The following TAF13 variants were observed in gnomAD, a reference collection of about 807,000 sequenced individuals.
TAF13 encodes the protein TATA-box binding protein associated factor 13.
Under a neutral mutation model 18.7 loss-of-function variants are expected in TAF13, and 9 were observed. That is an observed-to-expected ratio of 0.48 (90% CI 0.29 to 0.84). TAF13 has a LOEUF of 0.84. Among genes scored for constraint, TAF13 ranks in the 40% least tolerant of loss-of-function variants. The probability of loss-of-function intolerance (pLI) is 0.08; values close to 1 mark genes in which losing one functional copy is unlikely to be tolerated. For missense variants in TAF13, 105 were observed against 146.5 expected (o/e 0.72, Z 1.46); for synonymous variants, 49 against 44.1 (o/e 1.11, Z -0.44).
intron 2 of TAF13, among the ~76,000 whole-genome samples, chr1:109,072,866 T>C (rs1241758201): frequency 6.6e-6 from 1 of 151,188 alleles, no homozygotes; most frequent in African/African-American, 2.4e-5. Context: ...CTGAAACTTC[T>C]GCCACCTGGG....
intron 3 of TAF13, 77 bp from the exon 4 acceptor site, chr1:109,064,770 C>A (rs1663923198): frequency 4.2e-6 from 5 of 1,199,306 alleles, no homozygotes; most frequent in Non-Finnish European, 5.5e-6. Flanking sequence ...TTATTAATTG[C>A]AAGTGAGGTA....
At chr1:109,070,437 TG>T (rs1664029040) in intron 2 of TAF13, among the ~76,000 whole-genome samples, 1 of 152,230 alleles carries the variant, frequency 6.6e-6, no homozygotes, top group Non-Finnish European at 1.5e-5. Context: ...CAGGCTGGTC[TG>T]GATCTGCTGA....
In TAF13 at chr1:109,073,153, A is replaced by G. The variant is rs184435797; in HGVS notation, c.106+1834T>C. ...ATTACCTGTGGCTTACAGTCAAAGA[A>G]GCCTCTCTACTGCTGTAAAGGCAAG... On this transcript the variant is annotated intron_variant, in intron 2 of 3. Coordinates refer to ENST00000338366, the MANE Select transcript of TAF13 (RefSeq NM_005645.4). Among the ~76,000 whole-genome samples, 261 of 152,284 alleles carry G rather than the reference A, an allele frequency of 1.7e-3. 1 individual carries two copies. The highest frequency in any genetic ancestry group is 3.8e-3 in the Admixed American group (58 of 15,282).
intron 2 of TAF13, among the ~76,000 whole-genome samples, chr1:109,074,158 AAG>A (rs1197700694): frequency 6.6e-6 from 1 of 152,362 alleles, no homozygotes; most frequent in African/African-American, 2.4e-5. Context: ...GGGGAAAAGA[AAG>A]AGAGATCAGA....
At chr1:109,071,997 T>TACAC (rs1557985974) in intron 2 of TAF13, among the ~76,000 whole-genome samples, 1 of 2,422 alleles carries the variant, frequency 4.1e-4, no homozygotes, top group African/African-American at 9.7e-4. Context: ...TATATATATA[T>TACAC]ATATATATAT....
Position 109,064,325 on chromosome 1 carries a change from C to A in TAF13, c.*198G>T. The A allele has an allele frequency of 2.5e-6, 1 of 400,228 alleles. No homozygotes were observed. Among genetic ancestry groups the A allele is most frequent in the Non-Finnish European group, 4.3e-6 (1 of 232,814 alleles). The allele number at this position is 400,228 out of a possible 1,614,324, so 24.8% of individuals were successfully genotyped here. On this transcript the variant is annotated 3_prime_UTR_variant, in exon 4 of 4. Coordinates refer to ENST00000338366, the MANE Select transcript of TAF13 (RefSeq NM_005645.4). The stretch of plus-strand genomic sequence containing the variant: ...GGTCATTAAAACCCAGTAAGTAATT[C>A]AAGTATGGTAATATAAAGGCAGGCA...
rs557668551 is a variant in TAF13, at chr1:109,070,242, C to T, written c.107-4010G>A. Among the ~76,000 whole-genome samples, 3 of 152,146 alleles carry T rather than the reference C, an allele frequency of 2.0e-5. No homozygotes were observed. In the East Asian group the frequency reaches 5.8e-4, roughly 29 times the overall value. ...CTTTTTTTATTTTTATTTTTTGAGA[C>T]GGAGTCTCTCTCTGTCACCAGGCTG... On this transcript the variant is annotated intron_variant, in intron 2 of 3. Transcript: ENST00000338366.
intron 2 of TAF13, among the ~76,000 whole-genome samples, chr1:109,072,575 G>C (rs1377918244): frequency 1.3e-5 from 2 of 151,700 alleles, no homozygotes; most frequent in East Asian, 3.9e-4. Context: ...CTCCAGAGTA[G>C]CTGGAACTAC....
chr1:109,073,149 A>G (rs538094640), intron 2 of TAF13, among the ~76,000 whole-genome samples: 3 of 152,272 alleles, frequency 2.0e-5, no homozygotes, highest in African/African-American at 7.2e-5. Flanking sequence ...CTTACAGTCA[A>G]AGAAGCCTCT....
intron 2 of TAF13, among the ~76,000 whole-genome samples, chr1:109,073,306 G>A (rs1051854046): frequency 2.6e-5 from 4 of 151,896 alleles, no homozygotes; most frequent in Non-Finnish European, 4.4e-5. Flanking sequence ...TTGGGAGGCC[G>A]AGGCAGGCGG....
At chr1:109,065,506 C>T (rs369287845) in intron 3 of TAF13, among the ~76,000 whole-genome samples, 29 of 147,776 alleles carry the variant, frequency 2.0e-4, no homozygotes, top group African/African-American at 7.0e-4. Flanking sequence ...GACACACACA[C>T]ACAAAAAATT....
At chr1:109,072,803 C>G (rs1171772665) in intron 2 of TAF13, among the ~76,000 whole-genome samples, 3 of 132,616 alleles carry the variant, frequency 2.3e-5, no homozygotes, top group Non-Finnish European at 3.1e-5. Context: ...TTTTTTAAGA[C>G]AGAGTCTTGC....
chr1:109,067,901 GCT>G (rs1307472992), intron 2 of TAF13, among the ~76,000 whole-genome samples: 4 of 152,206 alleles, frequency 2.6e-5, no homozygotes, highest in Non-Finnish European at 5.9e-5. Flanking sequence ...TTTGAACCCA[GCT>G]GATCTGGTTC....
At chr1:109,072,395 G>A (rs1234091958) in intron 2 of TAF13, among the ~76,000 whole-genome samples, 1 of 151,570 alleles carries the variant, frequency 6.6e-6, no homozygotes, top group Non-Finnish European at 1.5e-5. Context: ...CTACTGAGGG[G>A]GTAGGATGGA....
intron 2 of TAF13, among the ~76,000 whole-genome samples, chr1:109,069,402 A>C (rs1055777664): frequency 6.6e-6 from 1 of 152,218 alleles, no homozygotes; most frequent in Admixed American, 6.5e-5. Flanking sequence ...TACCTAATAC[A>C]ATGTAAATGC....
rs572504210 is a variant in TAF13, at chr1:109,075,158, G to T, written c.28-93C>A. ...ATTTTTTTTTCCTTTTCAACAGATA[G>T]GCCAGAAAGCCAAAGGAAGCAGCAA... On this transcript the variant is annotated intron_variant, in intron 1 of 3. Transcript: ENST00000338366. The T allele has an allele frequency of 1.7e-4, 187 of 1,096,202 alleles. 1 individual carries two copies. The African/African-American group carries it at 2.7e-3, about 16-fold the overall frequency. 67.9% of individuals were successfully genotyped at this position (1,096,202 alleles called of 1,614,324 possible).
At chr1:109,066,324 A>C in intron 2 of TAF13, 92 bp from the exon 3 acceptor site, 1 of 930,966 alleles carries the variant, frequency 1.1e-6, no homozygotes, top group Non-Finnish European at 1.6e-6. Flanking sequence ...ACCAAGTTAT[A>C]GATAATATTG....
chr1:109,066,880 C>T (rs1663959886), intron 2 of TAF13, among the ~76,000 whole-genome samples: 2 of 151,952 alleles, frequency 1.3e-5, no homozygotes, highest in Non-Finnish European at 2.9e-5. Context: ...CCACCACGCC[C>T]GGCTAATTTT....
chr1:109,064,941 A>C (rs914057649), intron 3 of TAF13, among the ~76,000 whole-genome samples: 2 of 151,976 alleles, frequency 1.3e-5, no homozygotes, highest in African/African-American at 4.8e-5. Flanking sequence ...TGTCAACTTT[A>C]TTGTTCCTTT....
Sources: allele counts gnomAD v4.1 joint callset (sites outside exome capture counted in the v4.1 genomes callset), GRCh38; gene constraint gnomAD v4.1.1; transcripts MANE v1.5; gene names NCBI Gene and HGNC (gene_info 2026-07-23, HGNC 2026-07-21).